Variants in HIBCH observed in about 807,000 individuals in gnomAD.
HIBCH encodes 3-hydroxyisobutyryl-CoA hydrolase.
A neutral mutation model predicts 58.2 loss-of-function variants in HIBCH; 50 were observed. The ratio of observed to expected loss-of-function variants is 0.86; its 90% confidence interval spans 0.68 to 1.09. HIBCH has a LOEUF of 1.09. Among genes scored for constraint, HIBCH ranks in the 50% least tolerant of loss-of-function variants. The pLI is 0.00. For missense variants in HIBCH, 450 were observed against 449.7 expected (o/e 1.00, Z -0.01); for synonymous variants, 151 against 146.9 (o/e 1.03, Z -0.20).
rs1311083874 is a variant in HIBCH, at chr2:190,319,766, A to C, written c.-16T>G. On this transcript the variant is annotated 5_prime_UTR_variant, in exon 1 of 14. Coordinates refer to ENST00000359678, the MANE Select transcript of HIBCH (RefSeq NM_014362.4). ...GCTGCCCCATCGCCAAACACTCCGA[A>C]GCTAAAGCAGCAGAGCGAGAATCTC... 1 of 1,609,898 alleles carries C rather than the reference A, an allele frequency of 6.2e-7. No individual in the cohort carries two copies. The highest frequency in any genetic ancestry group is 1.3e-5 in the African/African-American group (1 of 74,998).
intron 2 of HIBCH, among the ~76,000 whole-genome samples, chr2:190,299,079 G>A (rs1688190119): frequency 1.3e-5 from 2 of 152,070 alleles, no homozygotes; most frequent in Admixed American, 1.3e-4. Context: ...TTTATGTAAA[G>A]GCAACACTTA....
downstream of HIBCH, chr2:190,200,002 G>A (rs770465370): frequency 6.2e-7 from 1 of 1,614,094 alleles, no homozygotes; most frequent in East Asian, 2.2e-5. Flanking sequence ...CAAAGAGGAA[G>A]TGAAGGAACC....
chr2:190,234,365 C>T (rs533849602), intron 11 of HIBCH, among the ~76,000 whole-genome samples: 8 of 152,320 alleles, frequency 5.3e-5, no homozygotes, highest in East Asian at 3.9e-4. Context: ...AAACTGTTTA[C>T]AGCAGAATTA....
intron 11 of HIBCH, among the ~76,000 whole-genome samples, chr2:190,244,261 C>G (rs1686541591): frequency 6.6e-6 from 1 of 152,010 alleles, no homozygotes; most frequent in South Asian, 2.1e-4. Flanking sequence ...GTCTGAAATA[C>G]TCCAAGTCTC....
chr2:190,230,673 C>T (rs542345466), intron 11 of HIBCH, among the ~76,000 whole-genome samples: 97 of 152,226 alleles, frequency 6.4e-4, no homozygotes, highest in Non-Finnish European at 1.1e-3. Flanking sequence ...CCAGCCTGGG[C>T]GAGAGAGCAA....
chr2:190,305,450 G>A (rs1688379976), intron 2 of HIBCH, among the ~76,000 whole-genome samples: 1 of 152,088 alleles, frequency 6.6e-6, no homozygotes, highest in South Asian at 2.1e-4. Flanking sequence ...ATCTTCACGT[G>A]ACATTATCCT....
chr2:190,308,107 A>G (rs1688461347), intron 2 of HIBCH, among the ~76,000 whole-genome samples: 1 of 152,158 alleles, frequency 6.6e-6, no homozygotes, highest in African/African-American at 2.4e-5. Context: ...GCACTCATAA[A>G]AGCAAACACT....
intron 9 of HIBCH, among the ~76,000 whole-genome samples, chr2:190,248,268 T>C (rs1358398465): frequency 6.6e-6 from 1 of 152,182 alleles, no homozygotes; most frequent in Non-Finnish European, 1.5e-5. Flanking sequence ...TTCTCAATTG[T>C]GTTACATTAT....
Position 190,319,744 on chromosome 2 carries a change from G to A in HIBCH, c.7C>T (p.Gln3Ter). ...GACATGAGCCTCCACATCTCGCGCT[G>A]CCCCATCGCCAAACACTCCGAAGCT... MG[Q>*]REMWRLMSRF... is the part of the protein sequence containing the mutation. The change falls in exon 1 of 14, where the codon CAG (glutamine) becomes TAG (stop). Residue 3 changes from glutamine to a stop codon, truncating the protein, a stop_gained. Coordinates refer to ENST00000359678, the MANE Select transcript of HIBCH (RefSeq NM_014362.4). LOFTEE classifies it high-confidence loss of function. 2 of 1,612,666 alleles carry A rather than the reference G, an allele frequency of 1.2e-6. No homozygotes were observed. Among genetic ancestry groups the A allele is most frequent in the Non-Finnish European group, 8.5e-7 (1 of 1,179,434 alleles).
intron 10 of HIBCH, among the ~76,000 whole-genome samples, chr2:190,245,857 G>A (rs577890663): frequency 2.0e-5 from 3 of 152,122 alleles, no homozygotes; most frequent in Non-Finnish European, 4.4e-5. Flanking sequence ...AGGCATGGTA[G>A]CAGGTGCCTG....
intron 11 of HIBCH, among the ~76,000 whole-genome samples, chr2:190,228,936 A>G (rs1288692424): frequency 1.3e-5 from 2 of 152,202 alleles, no homozygotes; most frequent in African/African-American, 4.8e-5. Flanking sequence ...AATTATAATC[A>G]CTGCCCTTTG....
rs1690421048 is a variant in HIBCH, at chr2:190,207,586, A to C, written c.1045+1294T>G. ...ATAACATAACCTTTTATTCAGATAA[A>C]AAAGTATATCCAGGCTGGGCACGGT... On this transcript the variant is annotated intron_variant, in intron 13 of 13. Coordinates refer to ENST00000359678, the MANE Select transcript of HIBCH (RefSeq NM_014362.4). The surrounding 1 kb of genome is among the most constrained non-coding windows in gnomAD (Gnocchi z 4.5). Among the ~76,000 whole-genome samples, 1 of 152,260 alleles carries C rather than the reference A, an allele frequency of 6.6e-6. No individual in the cohort carries two copies. Among genetic ancestry groups the C allele is most frequent in the Admixed American group, 6.5e-5 (1 of 15,282 alleles).
At chr2:190,245,080 T>C in intron 10 of HIBCH, 112 bp from the exon 11 acceptor site, 1 of 753,016 alleles carries the variant, frequency 1.3e-6, no homozygotes, top group Non-Finnish European at 2.4e-6. Flanking sequence ...AATGAAAAAT[T>C]GTCTAACCTC....
intron 6 of HIBCH, among the ~76,000 whole-genome samples, chr2:190,267,482 T>C (rs1434095155): frequency 6.6e-6 from 1 of 151,994 alleles, no homozygotes; most frequent in Non-Finnish European, 1.5e-5. Context: ...CAGGCATGAG[T>C]CACCACACCC....
intron 1 of HIBCH, among the ~76,000 whole-genome samples, chr2:190,314,611 TG>T (rs1403587574): frequency 6.6e-6 from 1 of 151,778 alleles, no homozygotes; most frequent in Non-Finnish European, 1.5e-5. Flanking sequence ...CCCGAGTAGC[TG>T]GGATTGCAGG....
At chr2:190,248,159 T>G (rs1329359513) in intron 9 of HIBCH, among the ~76,000 whole-genome samples, 1 of 152,242 alleles carries the variant, frequency 6.6e-6, no homozygotes, top group East Asian at 1.9e-4. Context: ...TTCCTTCCAG[T>G]GCCTTTGTTG....
chr2:190,265,712 G>T (rs1687214302), intron 6 of HIBCH, among the ~76,000 whole-genome samples: 1 of 152,006 alleles, frequency 6.6e-6, no homozygotes, highest in Non-Finnish European at 1.5e-5. Flanking sequence ...TCATAAAAAG[G>T]TTTTTAAAGA....
chr2:190,283,478 T>G (rs1170441460), intron 6 of HIBCH, among the ~76,000 whole-genome samples: 1 of 152,242 alleles, frequency 6.6e-6, no homozygotes, highest in Non-Finnish European at 1.5e-5. Flanking sequence ...TTGCTCCATC[T>G]GTAAGGGCAC....
At chr2:190,235,033 C>T (rs538781186) in intron 11 of HIBCH, among the ~76,000 whole-genome samples, 9 of 152,120 alleles carry the variant, frequency 5.9e-5, no homozygotes, top group South Asian at 2.1e-4. Flanking sequence ...ACTGTCATTA[C>T]GAGACTGAGT....
Sources: allele counts gnomAD v4.1 joint callset (sites outside exome capture counted in the v4.1 genomes callset), GRCh38; gene constraint gnomAD v4.1.1; non-coding constraint Gnocchi (gnomAD v3.1); transcripts MANE v1.5; gene names NCBI Gene and HGNC (gene_info 2026-07-23, HGNC 2026-07-21).